Variants in IRS1 observed in about 807,000 individuals in gnomAD.
The protein encoded by IRS1 is insulin receptor substrate 1.
A neutral mutation model predicts 65.6 loss-of-function variants in IRS1; 34 were observed. The ratio of observed to expected loss-of-function variants is 0.52; its 90% confidence interval spans 0.39 to 0.69. IRS1 has a LOEUF of 0.69. Ranked by LOEUF, IRS1 falls within the 30% of genes least tolerant of loss-of-function variation. The pLI is 0.00. For synonymous variants in IRS1, 699 were observed against 683.5 expected (o/e 1.02, Z -0.35); for missense variants, 1,641 against 1,720.2 (o/e 0.95, Z 0.81).
chr2:226,773,704 T>C (rs746786136), intron 1 of IRS1, among the ~76,000 whole-genome samples: 6 of 151,658 alleles, frequency 4.0e-5, no homozygotes, highest in Non-Finnish European at 7.4e-5. Flanking sequence ...AAACAAAACA[T>C]GTGTGCTTTT....
chr2:226,784,072 T>C (rs1939439385), intron 1 of IRS1, among the ~76,000 whole-genome samples: 1 of 151,904 alleles, frequency 6.6e-6, no homozygotes, highest in African/African-American at 2.4e-5. Flanking sequence ...TTCACCCTGA[T>C]GAGACAAGCA....
At chr2:226,764,362 G>T (rs1190418321) in intron 1 of IRS1, among the ~76,000 whole-genome samples, 1 of 151,810 alleles carries the variant, frequency 6.6e-6, no homozygotes, top group Admixed American at 6.6e-5. Context: ...TGGACAACAT[G>T]GCAAGACCCC....
chr2:226,791,311 C>A (rs911868446), intron 1 of IRS1, among the ~76,000 whole-genome samples: 1 of 152,034 alleles, frequency 6.6e-6, no homozygotes, highest in Non-Finnish European at 1.5e-5. Flanking sequence ...CCCTCCTGCT[C>A]GCGGATCTCG....
chr2:226,778,150 T>G (rs1440383673), intron 1 of IRS1, among the ~76,000 whole-genome samples: 1 of 152,198 alleles, frequency 6.6e-6, no homozygotes, highest in Admixed American at 6.5e-5. Context: ...CGTGTTTTAT[T>G]TTAAATTTGT....
rs372681714 is a variant in IRS1 at position 226,795,497 on chromosome 2, C to G, written c.3242G>C (p.Arg1081Pro). 1 of 1,613,506 alleles carries G rather than the reference C, an allele frequency of 6.2e-7. No homozygotes were observed. The highest frequency in any genetic ancestry group is 8.5e-7 in the Non-Finnish European group (1 of 1,180,026). Residue 1081 changes from arginine to proline, a missense_variant, in exon 1 of 2, where the codon CGC (arginine) becomes CCC (proline). Transcript: ENST00000305123. ...AFTRVNLSPN[R>P]NQSAKVIRAD... ...ACGGATCACTTTGGCACTCTGGTTG[C>G]GGTTAGGACTGAGGTTCACCCGGGT...
At chr2:226,769,087 T>C (rs1325056032) in intron 1 of IRS1, among the ~76,000 whole-genome samples, 2 of 152,258 alleles carry the variant, frequency 1.3e-5, no homozygotes, top group African/African-American at 4.8e-5. Context: ...TATTGCAATA[T>C]TGTTTATGCA....
chr2:226,798,454 G>A lies in IRS1; in HGVS notation c.285C>T (p.Ile95=). The change falls in exon 1 of 2, where the codon ATC becomes ATT. Residue 95 remains isoleucine (I), a synonymous_variant. Coordinates refer to ENST00000305123, the MANE Select transcript of IRS1 (RefSeq NM_005544.3). The surrounding 1 kb of genome is among the most constrained non-coding windows in gnomAD (Gnocchi z 9.4). Reference sequence around the variant, plus strand: ...CTTGCTCGGCCTCGCTGTCCGCCGCGATGGCAAAGTGCTCGTCCCGGGTGT... The same window carrying A: ...CTTGCTCGGCCTCGCTGTCCGCCGCAATGGCAAAGTGCTCGTCCCGGGTGT... ...ALYTRDEHFA[I]AADSEAEQDS... is the part of the protein sequence containing the mutation. 2 of 1,614,132 alleles carry A rather than the reference G, an allele frequency of 1.2e-6. No individual in the cohort carries two copies. The highest frequency in any genetic ancestry group is 1.7e-5 in the Admixed American group (1 of 60,026).
At chr2:226,753,021 C>G (rs1212178401) in intron 1 of IRS1, among the ~76,000 whole-genome samples, 1 of 152,198 alleles carries the variant, frequency 6.6e-6, no homozygotes, top group Non-Finnish European at 1.5e-5. Context: ...TCAATTCACT[C>G]TATCCAGTAG....
chr2:226,748,428 C>CAAAAAAA, intron 1 of IRS1, among the ~76,000 whole-genome samples: 1 of 49,712 alleles, frequency 2.0e-5, no homozygotes, highest in Non-Finnish European at 4.1e-5. Context: ...GACTCTGTCT[C>CAAAAAAA]AAAAAAAAAA....
In IRS1 at chr2:226,798,831, C is replaced by G. The variant is rs1243872679; in HGVS notation, c.-93G>C. On this transcript the variant is annotated 5_prime_UTR_variant, in exon 1 of 2. Transcript: ENST00000305123. This position sits in a 1 kb window ranked among gnomAD's most constrained non-coding sequence, Gnocchi z 9.4. ...GCTCCTCGCCGCGGCCCGGCACATG[C>G]AAACAGGGCTGGAGGCAGCAGAAAC... The G allele has an allele frequency of 2.6e-6, 4 of 1,548,012 alleles. No individual in the cohort carries two copies. The African/African-American group carries it at 5.5e-5, about 21-fold the overall frequency.
At position 226,766,133 on chromosome 2, in the gene IRS1, A is replaced by ATTTTTTTTTTTTTTTTT. The variant is rs1939029390; in HGVS notation, c.*21+28855_*21+28856insAAAAAAAAAAAAAAAAA. ...CCCTCTCTTAATCTTATATATATAT[A>ATTTTTTTTTTTTTTTTT]TATATATATATATATATATATATAT... On this transcript the variant is annotated intron_variant, in intron 1 of 1. Transcript: ENST00000305123. Among the ~76,000 whole-genome samples the ATTTTTTTTTTTTTTTTT allele has an allele frequency of 6.5e-4, 2 of 3,068 alleles. 1 individual carries two copies. The highest frequency in any genetic ancestry group is 1.8e-3 in the African/African-American group (2 of 1,142). The allele number at this position is 3,068 out of a possible 152,430, so 2.0% of individuals were successfully genotyped here.
intron 1 of IRS1, among the ~76,000 whole-genome samples, chr2:226,791,805 C>T (rs999973181): frequency 6.6e-6 from 1 of 152,114 alleles, no homozygotes; most frequent in Non-Finnish European, 1.5e-5. Flanking sequence ...GGGGCCTCGC[C>T]CGCCAGCGCC....
intron 1 of IRS1, among the ~76,000 whole-genome samples, chr2:226,776,960 A>C (rs767606319): frequency 3.3e-5 from 5 of 152,128 alleles, no homozygotes; most frequent in Non-Finnish European, 7.4e-5. Context: ...ACATCAGACA[A>C]ATCCCAAATG....
chr2:226,790,517 T>C (rs1939569538), intron 1 of IRS1, among the ~76,000 whole-genome samples: 1 of 152,226 alleles, frequency 6.6e-6, no homozygotes, highest in African/African-American at 2.4e-5. Context: ...AATTATTAGC[T>C]GCTCAAACTT....
At chr2:226,782,060 G>A (rs868715167) in intron 1 of IRS1, among the ~76,000 whole-genome samples, 9 of 152,008 alleles carry the variant, frequency 5.9e-5, no homozygotes, top group African/African-American at 9.7e-5. Context: ...AATGGGATTC[G>A]CTTTGAAAGG....
At chr2:226,754,023 T>C (rs1428357047) in intron 1 of IRS1, among the ~76,000 whole-genome samples, 1 of 152,080 alleles carries the variant, frequency 6.6e-6, no homozygotes, top group Non-Finnish European at 1.5e-5. Context: ...TGCCTAATTA[T>C]TTTTATTTTT....
At chr2:226,788,085 T>G (rs915369472) in intron 1 of IRS1, among the ~76,000 whole-genome samples, 2 of 152,080 alleles carry the variant, frequency 1.3e-5, no homozygotes, top group African/African-American at 4.8e-5. Flanking sequence ...TTAAGTGATA[T>G]TGTTCAGCAA....
chr2:226,737,376 C>G (rs1938348451), intron 1 of IRS1, among the ~76,000 whole-genome samples: 2 of 152,082 alleles, frequency 1.3e-5, no homozygotes, highest in Non-Finnish European at 2.9e-5. Context: ...TTTTCAACCT[C>G]ATAAAGCATC....
intron 1 of IRS1, among the ~76,000 whole-genome samples, chr2:226,780,484 T>G (rs1467036395): frequency 2.6e-5 from 4 of 152,202 alleles, no homozygotes; most frequent in Non-Finnish European, 5.9e-5. Flanking sequence ...TCTCATTGCT[T>G]TTGATATCTG....
Sources: gnomAD v4.1 joint callset for allele counts (sites outside exome capture counted in the v4.1 genomes callset) on GRCh38, gnomAD v4.1.1 for gene constraint, Gnocchi (gnomAD v3.1) non-coding constraint, MANE v1.5 for transcripts, NCBI Gene and HGNC (gene_info 2026-07-23, HGNC 2026-07-21) for gene names.